Variants in ZNF148 observed in about 807,000 individuals in gnomAD.
The protein encoded by ZNF148 is zinc finger protein 148, also known as Beta-Enolase Repressor Factor-1.
Under a neutral mutation model 67.7 loss-of-function variants are expected in ZNF148, and 7 were observed. The ratio of observed to expected loss-of-function variants is 0.10; its 90% CI spans 0.06 to 0.19. The LOEUF (loss-of-function observed/expected upper bound fraction) is 0.19. ZNF148 is among the 10% of genes least tolerant of loss of function. The pLI, the probability that ZNF148 is intolerant of heterozygous loss-of-function variation, is 1.00. For missense variants in ZNF148, 583 were observed against 947.1 expected, an observed-to-expected ratio of 0.62 and a Z score of 5.05; for synonymous variants, 333 against 330.7, an observed-to-expected ratio of 1.01 and a Z score of -0.08.
intron 2 of ZNF148, among the ~76,000 whole-genome samples, chr3:125,328,099 C>A (rs545020049): frequency 1.3e-5 from 2 of 151,796 alleles, no homozygotes; most frequent in African/African-American, 4.8e-5. Context: ...ATGTATATTT[C>A]TTTTTCTTCC....
At chr3:125,251,407 C>T (rs1448275096) in intron 7 of ZNF148, among the ~76,000 whole-genome samples, 2 of 152,110 alleles carry the variant, frequency 1.3e-5, no homozygotes, top group Non-Finnish European at 1.5e-5. Context: ...GTATACAAAC[C>T]GTCTAAGTGC....
At chr3:125,350,911 T>C (rs948105235) in intron 1 of ZNF148, among the ~76,000 whole-genome samples, 1 of 152,212 alleles carries the variant, frequency 6.6e-6, no homozygotes, top group African/African-American at 2.4e-5. Flanking sequence ...TTAAGAACAT[T>C]ATAAGTGAAA....
chr3:125,305,576 T>G (rs1406381489), intron 4 of ZNF148, among the ~76,000 whole-genome samples: 1 of 151,572 alleles, frequency 6.6e-6, no homozygotes, highest in Non-Finnish European at 1.5e-5. Context: ...CTTTGGGAGG[T>G]GAAAGCAGGA....
Position 125,362,484 on chromosome 3 carries a change from A to C in ZNF148, c.-234+12618T>G, listed in dbSNP as rs192167551. Among the ~76,000 whole-genome samples, 22 of 152,230 alleles carry C rather than the reference A, an allele frequency of 1.4e-4. No individual in the cohort carries two copies. In the East Asian group the frequency reaches 3.5e-3, roughly 24 times the overall value. On this transcript the variant is annotated intron_variant, in intron 1 of 8. Transcript: ENST00000360647. ...TGCTCTCTTGAAGACCACAAAAAAA[A>C]ACAAAAACTAAAAAATCTATGTTCC...
Position 125,230,134 on chromosome 3 carries a change from T to C in ZNF148, c.*2207A>G, listed in dbSNP as rs924814858. ...AAGAGTCACATTCTAAAAACTATGC[T>C]GGTGATGTTAAAACAACCGAAAAAA... On this transcript the variant is annotated 3_prime_UTR_variant, in exon 9 of 9. Transcript: ENST00000360647. The C allele has an allele frequency of 2.0e-5, 3 of 152,496 alleles. No homozygotes were observed. The highest frequency in any genetic ancestry group is 7.2e-5 in the African/African-American group (3 of 41,434). 9.4% of individuals were successfully genotyped at this position (152,496 alleles called of 1,614,324 possible).
At chr3:125,328,667 G>A (rs1941136117) in intron 2 of ZNF148, among the ~76,000 whole-genome samples, 2 of 151,548 alleles carry the variant, frequency 1.3e-5, no homozygotes, top group South Asian at 4.1e-4. Context: ...ATGACAAGAG[G>A]CTCCTTTCCT....
Position 125,344,552 on chromosome 3 carries a change from G to T in ZNF148, c.-233-13314C>A. The T allele has an allele frequency of 3.0e-6, 3 of 1,016,136 alleles. No individual in the cohort carries two copies. The South Asian group carries it at 3.8e-5, about 13-fold the overall frequency. The allele number at this position is 1,016,136 out of a possible 1,614,324, so 62.9% of individuals were successfully genotyped here. On this transcript the variant is annotated intron_variant, in intron 1 of 8. Transcript: ENST00000360647. ...CCAAACTCAAATGGACTGTCAAAATGACTTCCACCTCCTCCTCCACCATTT... is the reference window on the plus strand; with the variant it reads ...CCAAACTCAAATGGACTGTCAAAATTACTTCCACCTCCTCCTCCACCATTT...
At chr3:125,321,403 T>TTA (rs1553708996) in intron 3 of ZNF148, among the ~76,000 whole-genome samples, 20 of 151,504 alleles carry the variant, frequency 1.3e-4, no homozygotes, top group Non-Finnish European at 2.4e-4. Context: ...CTAAAAGCTT[T>TTA]AAAAAAAACT....
chr3:125,358,615 T>C (rs1212026596), intron 1 of ZNF148, among the ~76,000 whole-genome samples: 1 of 152,226 alleles, frequency 6.6e-6, no homozygotes. Flanking sequence ...GAAAATGACC[T>C]TTCCAAATAT....
intron 4 of ZNF148, among the ~76,000 whole-genome samples, chr3:125,311,784 G>C (rs1419429429): frequency 6.6e-6 from 1 of 152,008 alleles, no homozygotes; most frequent in Non-Finnish European, 1.5e-5. Flanking sequence ...TAAACCCCTG[G>C]ACATTAAAAG....
chr3:125,256,638 T>C lies in ZNF148; in HGVS notation c.667+21088A>G, dbSNP rs375812323. Among the ~76,000 whole-genome samples the C allele has an allele frequency of 4.7e-4, 72 of 152,276 alleles. No individual in the cohort carries two copies. The South Asian group carries it at 0.012, about 25-fold the overall frequency. ...CTGCAGTGAGCCGAGATCGTGCCAC[T>C]ACACTCCAGCCTGGGCAACAGAGTG... On this transcript the variant is annotated intron_variant, in intron 7 of 8. Coordinates refer to ENST00000360647, the MANE Select transcript of ZNF148 (RefSeq NM_021964.3).
At chr3:125,302,138 A>C (rs1939624404) in intron 4 of ZNF148, among the ~76,000 whole-genome samples, 1 of 152,056 alleles carries the variant, frequency 6.6e-6, no homozygotes, top group Non-Finnish European at 1.5e-5. Context: ...GCACTTTGGG[A>C]GGCCAAGGTG....
intron 4 of ZNF148, among the ~76,000 whole-genome samples, chr3:125,309,880 A>G (rs992414475): frequency 7.9e-5 from 12 of 152,304 alleles, no homozygotes; most frequent in African/African-American, 2.4e-4. Context: ...CGCACGTAAC[A>G]TTTCACCAAG....
intron 5 of ZNF148, among the ~76,000 whole-genome samples, chr3:125,282,351 T>C (rs1282719470): frequency 6.6e-6 from 1 of 152,164 alleles, no homozygotes; most frequent in Non-Finnish European, 1.5e-5. Context: ...CATCTTTGCT[T>C]TTCTTTTTTC....
At chr3:125,325,590 C>T (rs917704304) in intron 2 of ZNF148, among the ~76,000 whole-genome samples, 2 of 151,978 alleles carry the variant, frequency 1.3e-5, no homozygotes, top group African/African-American at 2.4e-5. Flanking sequence ...CTCAGCCTCC[C>T]GAGTAGCTGG....
chr3:125,300,772 T>TCTAG (rs1939543376), intron 4 of ZNF148, among the ~76,000 whole-genome samples: 2 of 119,322 alleles, frequency 1.7e-5, no homozygotes, highest in South Asian at 5.4e-4. Context: ...AAGCAATAGT[T>TCTAG]TTCTAGAAGA....
chr3:125,352,835 A>C (rs1484376003), intron 1 of ZNF148, among the ~76,000 whole-genome samples: 1 of 152,182 alleles, frequency 6.6e-6, no homozygotes, highest in Admixed American at 6.6e-5. Flanking sequence ...GAATGAAGTG[A>C]GAGGAGGCAC....
intron 4 of ZNF148, among the ~76,000 whole-genome samples, chr3:125,305,829 A>C (rs953913147): frequency 4.6e-5 from 7 of 151,972 alleles, no homozygotes; most frequent in African/African-American, 1.7e-4. Flanking sequence ...AGTGAATACA[A>C]CTAAACAACT....
In ZNF148 at chr3:125,298,372, CAT is replaced by C. The variant is rs1553820635; in HGVS notation, c.334-10146_334-10145del. 6.6e-5 allele frequency among the ~76,000 whole-genome samples: 10 copies of C among 151,972 alleles called. No individual in the cohort carries two copies. In the South Asian group the frequency reaches 1.0e-3, roughly 16 times the overall value. ...ACACACACACACACACACACACACA[CAT>C]GCTCCTTTCCAATTATTTCATTCAA... On this transcript the variant is annotated intron_variant, in intron 4 of 8. Transcript: ENST00000360647.
Sources: allele counts gnomAD v4.1 joint callset (sites outside exome capture counted in the v4.1 genomes callset), GRCh38; gene constraint gnomAD v4.1.1; transcripts MANE v1.5; gene names NCBI Gene and HGNC (gene_info 2026-07-23, HGNC 2026-07-21).